ADAMTSL1: variants seen among roughly 807,000 people sequenced by gnomAD.
ADAMTSL1 encodes ADAMTS-like protein 1.
In ADAMTSL1, 126 loss-of-function variants were observed where a neutral mutation model predicts 201.8. The observed-to-expected ratio is 0.62, with a 90% CI of 0.54 to 0.72. The LOEUF is 0.72. Ranked by LOEUF, ADAMTSL1 falls within the 30% of genes least tolerant of loss-of-function variation. The probability of loss-of-function intolerance (pLI) is 0.00; values close to 1 mark genes in which losing one functional copy is unlikely to be tolerated. For missense variants in ADAMTSL1, 2,679 were observed against 2,277.8 expected, an observed-to-expected ratio of 1.18 and a Z score of -3.59; for synonymous variants, 1,121 against 903.4, an observed-to-expected ratio of 1.24 and a Z score of -4.32.
intron 2 of ADAMTSL1, among the ~76,000 whole-genome samples, chr9:18,224,731 T>C (rs1408817849): frequency 1.3e-5 from 2 of 152,054 alleles, no homozygotes; most frequent in African/African-American, 4.8e-5. Flanking sequence ...CTTTTCTCAT[T>C]ATAATCTGTT....
chr9:18,046,372 T>C (rs974271506), intron 1 of ADAMTSL1, among the ~76,000 whole-genome samples: 1 of 152,150 alleles, frequency 6.6e-6, no homozygotes, highest in Non-Finnish European at 1.5e-5. Flanking sequence ...TGTTCCAGCA[T>C]TGCTCATCCC....
At chr9:18,147,259 A>G (rs911571216) in intron 1 of ADAMTSL1, among the ~76,000 whole-genome samples, 4 of 152,134 alleles carry the variant, frequency 2.6e-5, no homozygotes, top group African/African-American at 9.7e-5. Flanking sequence ...AATTTTTGAT[A>G]TAAGTTAGGA....
intron 15 of ADAMTSL1, among the ~76,000 whole-genome samples, chr9:18,724,949 C>T (rs913827425): frequency 8.6e-5 from 13 of 151,930 alleles, no homozygotes; most frequent in African/African-American, 3.1e-4. Flanking sequence ...CTCTGTTGCC[C>T]AGGCTGTAGT....
At chr9:17,963,238 C>G (rs1817830348) in intron 1 of ADAMTSL1, among the ~76,000 whole-genome samples, 1 of 152,160 alleles carries the variant, frequency 6.6e-6, no homozygotes, top group African/African-American at 2.4e-5. Context: ...TTAGCTATCC[C>G]TGAATAAATT....
Position 18,535,263 on chromosome 9 carries a change from A to T in ADAMTSL1, c.237+1971A>T, listed in dbSNP as rs1587487800. 2.6e-5 allele frequency among the ~76,000 whole-genome samples: 4 copies of T among 152,334 alleles called. No homozygotes were observed. The South Asian group carries it at 8.3e-4, about 32-fold the overall frequency. On this transcript the variant is annotated intron_variant, in intron 3 of 28. Coordinates refer to ENST00000380548, the MANE Select transcript of ADAMTSL1 (RefSeq NM_001040272.6). ...ATGCCACCAGCCTCTTTGCTAAAGC[A>T]TAAACAAGAGTCACCTTTGCTTTAC...
chr9:18,240,310 T>A (rs1023701769), intron 2 of ADAMTSL1, among the ~76,000 whole-genome samples: 1 of 151,844 alleles, frequency 6.6e-6, no homozygotes, highest in Non-Finnish European at 1.5e-5. Flanking sequence ...CTAGGTGCAT[T>A]GTTAATGAAC....
At chr9:18,805,393 G>T (rs1183207977) in intron 20 of ADAMTSL1, among the ~76,000 whole-genome samples, 1 of 152,036 alleles carries the variant, frequency 6.6e-6, no homozygotes, top group Non-Finnish European at 1.5e-5. Flanking sequence ...TTTGCTTTCT[G>T]TGTTTTCTGT....
chr9:18,324,695 C>T (rs1032652278), intron 2 of ADAMTSL1, among the ~76,000 whole-genome samples: 1 of 150,540 alleles, frequency 6.6e-6, no homozygotes, highest in African/African-American at 2.4e-5. Flanking sequence ...ACCCGGGAGG[C>T]GGAGATTGCA....
chr9:18,300,848 A>G (rs1333038734), intron 2 of ADAMTSL1, among the ~76,000 whole-genome samples: 2 of 152,208 alleles, frequency 1.3e-5, no homozygotes, highest in Non-Finnish European at 1.5e-5. Context: ...TCCAGAGAGA[A>G]GTTTACAAAA....
chr9:18,083,400 A>G (rs559438653), intron 1 of ADAMTSL1, among the ~76,000 whole-genome samples: 1 of 152,336 alleles, frequency 6.6e-6, no homozygotes, highest in African/African-American at 2.4e-5. Flanking sequence ...ATGATAGGAA[A>G]TCTTTTAGTG....
chr9:18,674,992 A>G, intron 9 of ADAMTSL1, among the ~76,000 whole-genome samples: 1 of 122,332 alleles, frequency 8.2e-6, no homozygotes, highest in South Asian at 2.4e-4. Context: ...TCAGTGAAGT[A>G]GGTCAGAGTA....
At chr9:18,668,230 GA>G (rs1056690816) in intron 9 of ADAMTSL1, among the ~76,000 whole-genome samples, 5 of 152,100 alleles carry the variant, frequency 3.3e-5, no homozygotes, top group Non-Finnish European at 5.9e-5. Flanking sequence ...TAAACAATAA[GA>G]AAAAAATACC....
chr9:18,040,489 C>A (rs1038167346), intron 1 of ADAMTSL1, among the ~76,000 whole-genome samples: 3 of 151,966 alleles, frequency 2.0e-5, no homozygotes, highest in African/African-American at 7.3e-5. Context: ...CATGCTGGGC[C>A]GGTAGGAATC....
chr9:18,535,165 A>G (rs141652260), intron 3 of ADAMTSL1, among the ~76,000 whole-genome samples: 37 of 152,230 alleles, frequency 2.4e-4, no homozygotes, highest in Non-Finnish European at 5.0e-4. Context: ...TCACTTAGAA[A>G]TTTCTTCTGC....
At chr9:18,350,551 G>C (rs1835921689) in intron 2 of ADAMTSL1, among the ~76,000 whole-genome samples, 1 of 152,034 alleles carries the variant, frequency 6.6e-6, no homozygotes, top group Admixed American at 6.6e-5. Flanking sequence ...TTCAAGTCTA[G>C]AAATACAAGG....
Position 18,661,971 on chromosome 9 carries a change from G to T in ADAMTSL1, c.983G>T (p.Arg328Met). The change falls in exon 9 of 29, where the codon AGG (arginine) becomes ATG (methionine). Residue 328 changes from arginine (R) to methionine (M), a missense_variant. Arg to Met is a moderately conservative substitution (Grantham distance 91). Coordinates refer to ENST00000380548, the MANE Select transcript of ADAMTSL1 (RefSeq NM_001040272.6). ...QLTSAECYDL[R>M]SNRVVADQYC... ...ACATCGGCTGAGTGCTACGATCTGAGGAGCAACCGTGTGGTTGCTGACCAA... is the reference window on the plus strand; with the variant it reads ...ACATCGGCTGAGTGCTACGATCTGATGAGCAACCGTGTGGTTGCTGACCAA... 1 of 1,613,886 alleles carries T rather than the reference G, an allele frequency of 6.2e-7. No individual in the cohort carries two copies. The highest frequency in any genetic ancestry group is 8.5e-7 in the Non-Finnish European group (1 of 1,179,856).
chr9:18,259,589 C>A (rs755260918), intron 2 of ADAMTSL1, among the ~76,000 whole-genome samples: 6 of 152,064 alleles, frequency 3.9e-5, no homozygotes, highest in Non-Finnish European at 7.4e-5. Context: ...TACAAGGCTC[C>A]CAGGGGACAC....
intron 2 of ADAMTSL1, among the ~76,000 whole-genome samples, chr9:18,366,627 ATTTTTTTTTTTTTTTTTTTTT>A (rs772034324): frequency 8.9e-5 from 10 of 112,832 alleles, no homozygotes; most frequent in East Asian, 2.6e-4. Context: ...GAAATCACTA[ATTTTTTTTTTTTTTTTTTTTT>A]TTTTTTTTTT....
chr9:18,438,185 C>G (rs1207705800), intron 2 of ADAMTSL1, among the ~76,000 whole-genome samples: 1 of 149,510 alleles, frequency 6.7e-6, no homozygotes, highest in African/African-American at 2.5e-5. Flanking sequence ...CTGCACGTTT[C>G]TAGTCTTAAT....
Sources: allele counts gnomAD v4.1 joint callset (sites outside exome capture counted in the v4.1 genomes callset), GRCh38; gene constraint gnomAD v4.1.1; transcripts MANE v1.5; gene names NCBI Gene and HGNC (gene_info 2026-07-23, HGNC 2026-07-21).